Variants in MSH3 observed in about 807,000 individuals in gnomAD.
The protein encoded by MSH3 is mutS homolog 3, also known as DNA mismatch repair protein Msh3.
A neutral mutation model predicts 123.3 loss-of-function variants in MSH3; 106 were observed. The ratio of observed to expected loss-of-function variants is 0.86; its 90% CI spans 0.73 to 1.01. The LOEUF (loss-of-function observed/expected upper bound fraction) is 1.01. MSH3 is among the 50% of genes least tolerant of loss of function. The probability of loss-of-function intolerance (pLI) is 0.00; values close to 1 mark genes in which losing one functional copy is unlikely to be tolerated. For synonymous variants in MSH3, 515 were observed against 481.4 expected (o/e 1.07, Z -0.91); for missense variants, 1,459 against 1,347.6 (o/e 1.08, Z -1.29).
At chr5:80,729,469 T>C (rs1743372164) in intron 10 of MSH3, among the ~76,000 whole-genome samples, 1 of 148,476 alleles carries the variant, frequency 6.7e-6, no homozygotes, top group Non-Finnish European at 1.5e-5. Flanking sequence ...TGTATATATA[T>C]ATATATATAT....
chr5:80,719,945 A>G (rs1395880321), intron 8 of MSH3, among the ~76,000 whole-genome samples: 1 of 152,322 alleles, frequency 6.6e-6, no homozygotes, highest in East Asian at 1.9e-4. Context: ...TCTCTGGCTC[A>G]GTACATGTGG....
chr5:80,684,034 G>A (rs992844205), intron 8 of MSH3, among the ~76,000 whole-genome samples: 3 of 149,736 alleles, frequency 2.0e-5, no homozygotes, highest in Non-Finnish European at 4.5e-5. Context: ...TTCTGTTCCA[G>A]TGGTCTGTGT....
chr5:80,673,764 A>G (rs1749773041), intron 6 of MSH3, among the ~76,000 whole-genome samples: 1 of 152,180 alleles, frequency 6.6e-6, no homozygotes, highest in Admixed American at 6.5e-5. Context: ...GGTCATTTAT[A>G]AATGCAGTGT....
chr5:80,690,591 A>G (rs950454870), intron 8 of MSH3, among the ~76,000 whole-genome samples: 3 of 152,186 alleles, frequency 2.0e-5, no homozygotes, highest in Admixed American at 1.3e-4. Flanking sequence ...TGCTGGGATT[A>G]CAGACGTGAG....
chr5:80,754,283 T>TAC (rs200493600), intron 12 of MSH3, among the ~76,000 whole-genome samples: 2 of 151,206 alleles, frequency 1.3e-5, no homozygotes, highest in Admixed American at 1.3e-4. Context: ...AAATATGAAT[T>TAC]TTATATATAT....
rs973414643 is a variant in MSH3, at chr5:80,819,729, C to T, written c.2813+5988C>T. Among the ~76,000 whole-genome samples the T allele has an allele frequency of 7.2e-5, 11 of 152,092 alleles. No individual in the cohort carries two copies. The East Asian group carries it at 7.7e-4, about 11-fold the overall frequency. On this transcript the variant is annotated intron_variant, in intron 20 of 23. Coordinates refer to ENST00000265081, the MANE Select transcript of MSH3 (RefSeq NM_002439.5). ...TTCAAACTCCTGACCTCAGGTGATC[C>T]GCCCGCCTTGACCTCCCAAAGCACT...
chr5:80,691,972 T>TATAGATAAACAGTATGTTTAG (rs1561444440), intron 8 of MSH3, among the ~76,000 whole-genome samples: 5 of 45,664 alleles, frequency 1.1e-4, no homozygotes, highest in South Asian at 4.9e-4. Flanking sequence ...TATATGTTTA[T>TATAGATAAACAGTATGTTTAG]ATAGATAAAC....
chr5:80,714,796 C>T (rs995709869), intron 8 of MSH3, among the ~76,000 whole-genome samples: 1 of 152,106 alleles, frequency 6.6e-6, no homozygotes, highest in African/African-American at 2.4e-5. Flanking sequence ...TAAGGTCATT[C>T]GTTTTTGAGT....
intron 20 of MSH3, among the ~76,000 whole-genome samples, chr5:80,815,944 G>A (rs979793840): frequency 6.6e-6 from 1 of 152,150 alleles, no homozygotes; most frequent in Non-Finnish European, 1.5e-5. Flanking sequence ...CAATATTAGT[G>A]TAATATTCTT....
At chr5:80,864,294 AT>A (rs1161424647) in intron 21 of MSH3, among the ~76,000 whole-genome samples, 1 of 152,160 alleles carries the variant, frequency 6.6e-6, no homozygotes, top group Non-Finnish European at 1.5e-5. Flanking sequence ...ATTGAAAGAC[AT>A]TATGCAAAAC....
intron 21 of MSH3, among the ~76,000 whole-genome samples, chr5:80,856,779 A>G (rs1233130903): frequency 6.6e-6 from 1 of 152,202 alleles, no homozygotes; most frequent in Non-Finnish European, 1.5e-5. Flanking sequence ...CCTTGCTGTA[A>G]TCACTTACTA....
At chr5:80,709,206 GAT>G (rs1043121045) in intron 8 of MSH3, among the ~76,000 whole-genome samples, 12 of 121,274 alleles carry the variant, frequency 9.9e-5, no homozygotes, top group Admixed American at 6.2e-4. Flanking sequence ...ATATAAAATA[GAT>G]ATGTGTGTGT....
intron 12 of MSH3, among the ~76,000 whole-genome samples, chr5:80,755,163 TTGAA>T (rs1333651828): frequency 1.3e-5 from 2 of 152,084 alleles, no homozygotes; most frequent in Non-Finnish European, 2.9e-5. Flanking sequence ...CTCTGCCGGT[TTGAA>T]TGAGAGTTTA....
intron 20 of MSH3, among the ~76,000 whole-genome samples, chr5:80,842,996 A>C (rs1745654162): frequency 6.6e-6 from 1 of 152,096 alleles, no homozygotes; most frequent in Admixed American, 6.6e-5. Context: ...TTTCAAAAGG[A>C]ATGCTTCCAG....
chr5:80,672,625 A>G, intron 5 of MSH3, 116 bp from the exon 6 acceptor site: 1 of 890,556 alleles, frequency 1.1e-6, no homozygotes, highest in South Asian at 1.4e-5. Context: ...CCTACATCTG[A>G]ACGTTGTGGA....
chr5:80,773,446 T>C lies in MSH3; in HGVS notation c.2254-2248T>C, dbSNP rs545437607. Reference sequence around the variant, plus strand: ...CAGATTTGAAACTGTAGTAATTCTCTATAAATGAGGGCATCACTAGTTCAA... The same window carrying C: ...CAGATTTGAAACTGTAGTAATTCTCCATAAATGAGGGCATCACTAGTTCAA... On this transcript the variant is annotated intron_variant, in intron 15 of 23. Transcript: ENST00000265081. 7.2e-5 allele frequency among the ~76,000 whole-genome samples: 11 copies of C among 152,342 alleles called. No homozygotes were observed. The East Asian group carries it at 2.1e-3, about 29-fold the overall frequency.
At chr5:80,859,262 A>G (rs1233038101) in intron 21 of MSH3, among the ~76,000 whole-genome samples, 1 of 152,048 alleles carries the variant, frequency 6.6e-6, no homozygotes, top group Non-Finnish European at 1.5e-5. Flanking sequence ...CTGGGATTAC[A>G]AGTGTGTGCC....
At chr5:80,866,429 T>C (rs1325871781) in intron 22 of MSH3, among the ~76,000 whole-genome samples, 1 of 152,152 alleles carries the variant, frequency 6.6e-6, no homozygotes, top group Non-Finnish European at 1.5e-5. Context: ...ATGAGCTACC[T>C]TGCCTAGCTG....
intron 13 of MSH3, among the ~76,000 whole-genome samples, chr5:80,762,592 C>T (rs1294476252): frequency 2.6e-5 from 4 of 151,450 alleles, no homozygotes; most frequent in Non-Finnish European, 1.5e-5. Flanking sequence ...TGGATGCTAT[C>T]ATGTTTGATG....
Sources: allele counts gnomAD v4.1 joint callset (sites outside exome capture counted in the v4.1 genomes callset), GRCh38; gene constraint gnomAD v4.1.1; transcripts MANE v1.5; gene names NCBI Gene and HGNC (gene_info 2026-07-23, HGNC 2026-07-21).